ANO1: variants seen among roughly 807,000 people sequenced by gnomAD.
ANO1 encodes the protein anoctamin 1, also known as anoctamin-1.
A neutral mutation model predicts 124.0 loss-of-function variants in ANO1; 59 were observed. The ratio of observed to expected loss-of-function variants is 0.48; its 90% CI spans 0.39 to 0.59. The LOEUF is 0.59. Ranked by LOEUF, ANO1 falls within the 20% of genes least tolerant of loss-of-function variation. ANO1 has a pLI of 0.00. For missense variants in ANO1, 1,059 were observed against 1,328.0 expected (o/e 0.80, Z 3.15); for synonymous variants, 529 against 532.0 (o/e 0.99, Z 0.08).
chr11:70,117,636 C>G (rs1479210051), intron 8 of ANO1, among the ~76,000 whole-genome samples: 2 of 152,198 alleles, frequency 1.3e-5, no homozygotes, highest in Non-Finnish European at 2.9e-5. Context: ...ATGTGCCCAG[C>G]TTTCCCTCTC....
intron 1 of ANO1, among the ~76,000 whole-genome samples, chr11:70,035,538 AC>A (rs1857079932): frequency 1.3e-5 from 2 of 151,380 alleles, no homozygotes; most frequent in South Asian, 2.1e-4. Flanking sequence ...ATATATATAT[AC>A]TTTAAGTTCT....
chr11:70,118,616 A>ATG (rs1336277341), intron 8 of ANO1, among the ~76,000 whole-genome samples: 8 of 62,436 alleles, frequency 1.3e-4, no homozygotes, highest in Admixed American at 7.8e-4. Context: ...ATGGATGGAT[A>ATG]GATTATGGAT....
chr11:70,155,830 G>T, intron 14 of ANO1, 81 bp from the exon 15 acceptor site: 1 of 1,331,140 alleles, frequency 7.5e-7, no homozygotes, highest in South Asian at 1.5e-5. Flanking sequence ...CCAAGATGGG[G>T]ACGGTTCCCT....
intron 1 of ANO1, among the ~76,000 whole-genome samples, chr11:70,081,344 C>T (rs2044194516): frequency 6.6e-6 from 1 of 152,188 alleles, no homozygotes; most frequent in Non-Finnish European, 1.5e-5. Flanking sequence ...TCCAGAGATA[C>T]CTGATTTGCT....
At chr11:70,009,897 A>G (rs1040939262) in intron 1 of ANO1, among the ~76,000 whole-genome samples, 3 of 151,946 alleles carry the variant, frequency 2.0e-5, no homozygotes, top group Admixed American at 1.3e-4. Flanking sequence ...ACTGCACCCA[A>G]TGTGTAGTCT....
In ANO1 at chr11:70,167,307, G is replaced by A. The variant is rs201994888; in HGVS notation, c.2117G>A (p.Cys706Tyr). The change falls in exon 21 of 26, where the codon TGT becomes TAT. Residue 706 changes from cysteine to tyrosine, a missense_variant. Cys to Tyr is a radical substitution (Grantham distance 194, BLOSUM62 -2). Around this residue, in one of 2 missense-constraint regions of ANO1, gnomAD observed 809 missense variants for 1,094.9 expected, o/e 0.74. Coordinates refer to ENST00000355303, the MANE Select transcript of ANO1 (RefSeq NM_018043.7). ...KQQSPPDHEE[C>Y]VKRKQRYEVD... ...CAGAGCCCCCCTGACCACGAGGAGT[G>A]TGTGAAGAGGAAACAGCGGTACGAG... 174 of 1,613,996 alleles carry A rather than the reference G, an allele frequency of 1.1e-4. No homozygotes were observed. The highest frequency in any genetic ancestry group is 1.3e-4 in the Non-Finnish European group (155 of 1,179,890).
At chr11:69,988,497 A>G (rs1237816442) in intron 1 of ANO1, among the ~76,000 whole-genome samples, 2 of 152,186 alleles carry the variant, frequency 1.3e-5, no homozygotes, top group Non-Finnish European at 2.9e-5. Flanking sequence ...GATTATCATC[A>G]TTGTCATCAA....
chr11:70,116,901 C>A (rs2045996353), intron 8 of ANO1, among the ~76,000 whole-genome samples: 1 of 152,080 alleles, frequency 6.6e-6, no homozygotes, highest in African/African-American at 2.4e-5. Context: ...AACTTGGGAA[C>A]CACTGACACC....
rs183207920 is a variant in ANO1, at chr11:70,161,655, G to A, written c.1814G>A (p.Arg605Lys). The change falls in exon 18 of 26, where the codon AGG (arginine) becomes AAG (lysine). Residue 605 changes from arginine to lysine, a missense_variant. Around this residue, in one of 2 missense-constraint regions of ANO1, gnomAD observed 809 missense variants for 1,094.9 expected, o/e 0.74. Transcript: ENST00000355303. ...VPKTEKSFEE[R>K]LIFKAFLLKF... ...AAGACGGAGAAAAGCTTTGAGGAGA[G>A]GCTGATCTTCAAGGCTTTCCTGCTG... 7.4e-6 allele frequency: 12 copies of A among 1,614,034 alleles called. No homozygotes were observed. Among genetic ancestry groups the A allele is most frequent in the East Asian group, 2.2e-5 (1 of 44,872 alleles).
intron 11 of ANO1, among the ~76,000 whole-genome samples, chr11:70,146,856 A>C (rs2047397267): frequency 6.6e-6 from 1 of 152,092 alleles, no homozygotes; most frequent in Admixed American, 6.5e-5. Flanking sequence ...AGGCCGGAAG[A>C]CTCAGCAAGT....
chr11:70,030,880 C>T (rs12281602), intron 1 of ANO1, among the ~76,000 whole-genome samples: 47,003 of 152,096 alleles, frequency 0.31, 7,859 homozygotes, highest in Admixed American at 0.38. Context: ...AAACACCCCC[C>T]GTTTTAATTG....
intron 2 of ANO1, among the ~76,000 whole-genome samples, chr11:70,093,776 C>G (rs1041423213): frequency 6.6e-6 from 1 of 152,214 alleles, no homozygotes; most frequent in African/African-American, 2.4e-5. Context: ...TTTTGAAAAG[C>G]AAGTGAGGGC....
intron 1 of ANO1, among the ~76,000 whole-genome samples, chr11:70,037,280 G>A (rs1302765433): frequency 2.0e-5 from 3 of 152,108 alleles, no homozygotes; most frequent in African/African-American, 7.2e-5. Context: ...AGCAGGGCAG[G>A]TGGGGGTTTG....
intron 11 of ANO1, among the ~76,000 whole-genome samples, chr11:70,143,240 C>A (rs564257891): frequency 1.3e-5 from 2 of 152,082 alleles, no homozygotes; most frequent in East Asian, 1.9e-4. Context: ...AGCTACAGAG[C>A]GGGTTGCAGC....
intron 9 of ANO1, 112 bp from the exon 10 acceptor site, chr11:70,125,949 G>A: frequency 1.5e-6 from 2 of 1,344,100 alleles, no homozygotes; most frequent in East Asian, 2.5e-5. Context: ...TCTGGGATGA[G>A]GGAACCAGTG....
intron 1 of ANO1, among the ~76,000 whole-genome samples, chr11:69,996,651 G>C (rs1234451572): frequency 2.0e-5 from 3 of 152,204 alleles, no homozygotes; most frequent in Non-Finnish European, 4.4e-5. Flanking sequence ...AGCTCAGAGA[G>C]GTTGAGTGAT....
At chr11:70,039,538 C>A (rs1044015741) in intron 1 of ANO1, among the ~76,000 whole-genome samples, 1 of 152,132 alleles carries the variant, frequency 6.6e-6, no homozygotes, top group Admixed American at 6.5e-5. Context: ...TTTAAACCAT[C>A]TTCCCCCTTT....
chr11:70,149,564 T>C, intron 11 of ANO1, 146 bp from the exon 12 acceptor site: 1 of 735,644 alleles, frequency 1.4e-6, no homozygotes, highest in East Asian at 2.8e-5. Flanking sequence ...GGAAGGAGAA[T>C]CGCTTGAACC....
chr11:70,067,408 A>G (rs1591071122), intron 1 of ANO1, among the ~76,000 whole-genome samples: 1 of 145,584 alleles, frequency 6.9e-6, no homozygotes, highest in East Asian at 2.0e-4. Flanking sequence ...GCTCACTGCA[A>G]CCTCCACCCC....
Sources: allele counts gnomAD v4.1 joint callset (sites outside exome capture counted in the v4.1 genomes callset), GRCh38; gene constraint gnomAD v4.1.1; regional missense constraint gnomAD v4.1.1; transcripts MANE v1.5; gene names NCBI Gene and HGNC (gene_info 2026-07-23, HGNC 2026-07-21).